The following ADARB2 variants were observed in gnomAD, a reference collection of about 807,000 sequenced individuals.
ADARB2 encodes the protein adenosine deaminase RNA specific B2 (inactive).
A neutral mutation model predicts 62.2 loss-of-function variants in ADARB2; 25 were observed. The observed-to-expected ratio is 0.40, with a 90% CI of 0.29 to 0.56. The LOEUF is 0.56. Among genes scored for constraint, ADARB2 ranks in the 20% least tolerant of loss-of-function variants. The pLI, the probability that ADARB2 is intolerant of heterozygous loss-of-function variation, is 0.43. For synonymous variants in ADARB2, 572 were observed against 500.8 expected (o/e 1.14, Z -1.90); for missense variants, 1,071 against 1,077.4 (o/e 0.99, Z 0.08).
chr10:1,484,493 A>C lies in ADARB2; in HGVS notation c.101-105333T>G, dbSNP rs148394398. ...TGTGGCTCCAAGTCTGTTCTGTCCA[A>C]GTCACTTCTCCATGAAAATGCTGGG... On this transcript the variant is annotated intron_variant, in intron 1 of 9. Coordinates refer to ENST00000381312, the MANE Select transcript of ADARB2 (RefSeq NM_018702.4). Among the ~76,000 whole-genome samples the C allele has an allele frequency of 1.3e-3, 195 of 152,336 alleles. 1 individual carries two copies. The highest frequency in any genetic ancestry group is 4.4e-3 in the African/African-American group (183 of 41,566).
intron 3 of ADARB2, among the ~76,000 whole-genome samples, chr10:1,327,546 C>T (rs1434283619): frequency 1.5e-4 from 13 of 87,748 alleles, no homozygotes; most frequent in African/African-American, 6.4e-4. Context: ...CACTGCCCAG[C>T]GCCTCCTCAC....
intron 1 of ADARB2, among the ~76,000 whole-genome samples, chr10:1,444,335 A>T (rs1037923342): frequency 0.014 from 501 of 35,378 alleles, 7 homozygotes; most frequent in African/African-American, 0.053. Context: ...CCATCCACCC[A>T]GCCATCCACT....
At chr10:1,699,234 TCGCCAA>T (rs761974636) in intron 1 of ADARB2, among the ~76,000 whole-genome samples, 20,162 of 141,538 alleles carry the variant, frequency 0.14, 8,694 homozygotes, top group African/African-American at 0.16. Context: ...GACCAGGCGC[TCGCCAA>T]TACACTCAAT....
rs1832894802 is a variant in ADARB2, at chr10:1,426,527, A to G, written c.101-47367T>C. ...AGAAGGATGGTCCTGTCTCATCCCT[A>G]CACCTGTGAGGCCTCAGTTCTGCCT... On this transcript the variant is annotated intron_variant, in intron 1 of 9. Transcript: ENST00000381312. This position sits in a 1 kb window ranked among gnomAD's most constrained non-coding sequence, Gnocchi z 4.1. Among the ~76,000 whole-genome samples, 1 of 152,190 alleles carries G rather than the reference A, an allele frequency of 6.6e-6. No homozygotes were observed. Among genetic ancestry groups the G allele is most frequent in the Admixed American group, 6.5e-5 (1 of 15,298 alleles).
intron 1 of ADARB2, among the ~76,000 whole-genome samples, chr10:1,567,234 G>A (rs1172166434): frequency 2.0e-5 from 3 of 151,894 alleles, no homozygotes; most frequent in Non-Finnish European, 4.4e-5. Flanking sequence ...TTGGAAGATT[G>A]GAGTCTGGTC....
intron 1 of ADARB2, among the ~76,000 whole-genome samples, chr10:1,685,691 C>A (rs976534037): frequency 6.6e-6 from 1 of 152,162 alleles, no homozygotes; most frequent in Non-Finnish European, 1.5e-5. Context: ...AAAAGGGAGG[C>A]GACGCAGGAG....
At chr10:1,635,314 G>A (rs1833905929) in intron 1 of ADARB2, among the ~76,000 whole-genome samples, 1 of 152,228 alleles carries the variant, frequency 6.6e-6, no homozygotes, top group South Asian at 2.1e-4. Context: ...TGTGCAAAGT[G>A]CTGGGCCTGG....
At chr10:1,514,921 C>G (rs1564314168) in intron 1 of ADARB2, among the ~76,000 whole-genome samples, 1 of 152,082 alleles carries the variant, frequency 6.6e-6, no homozygotes, top group Non-Finnish European at 1.5e-5. Context: ...GGTTTGAGCA[C>G]TCTGTGAATT....
At chr10:1,732,540 A>T (rs1450022040) in intron 1 of ADARB2, among the ~76,000 whole-genome samples, 2 of 152,222 alleles carry the variant, frequency 1.3e-5, no homozygotes, top group African/African-American at 4.8e-5. Flanking sequence ...CAAAATTTTT[A>T]AAAAGAGAAA....
intron 7 of ADARB2, among the ~76,000 whole-genome samples, chr10:1,205,388 CCG>C (rs1455674401): frequency 1.1e-4 from 11 of 104,114 alleles, no homozygotes; most frequent in East Asian, 3.4e-4. Context: ...TCACGGGAGC[CCG>C]TGGCACAGCC....
At chr10:1,270,891 G>C in intron 4 of ADARB2, 64 bp downstream of exon 4, 1 of 1,433,770 alleles carries the variant, frequency 7.0e-7, no homozygotes, top group African/African-American at 1.4e-5. Flanking sequence ...TCCAAGATCA[G>C]GTAGATGCTA....
rs1361053220 is a variant in ADARB2 at position 1,426,798 on chromosome 10, G to A, written c.101-47638C>T. ...TCCTGACGGCGCTTACTCCACCACT[G>A]CATCCCTTCTATACCCTGCTTCTCC... On this transcript the variant is annotated intron_variant, in intron 1 of 9. Coordinates refer to ENST00000381312, the MANE Select transcript of ADARB2 (RefSeq NM_018702.4). The surrounding 1 kb of genome is among the most constrained non-coding windows in gnomAD (Gnocchi z 4.1). 6.6e-6 allele frequency among the ~76,000 whole-genome samples: 1 copy of A among 152,234 alleles called. No individual in the cohort carries two copies. The highest frequency in any genetic ancestry group is 1.5e-5 in the Non-Finnish European group (1 of 68,038).
chr10:1,532,715 G>A (rs1206896373), intron 1 of ADARB2, among the ~76,000 whole-genome samples: 2 of 152,118 alleles, frequency 1.3e-5, no homozygotes, highest in Non-Finnish European at 2.9e-5. Flanking sequence ...ATTTCTTTAG[G>A]GGGATGTGAC....
intron 1 of ADARB2, among the ~76,000 whole-genome samples, chr10:1,402,200 G>A (rs926843221): frequency 6.6e-6 from 1 of 152,216 alleles, no homozygotes; most frequent in African/African-American, 2.4e-5. Context: ...GCCCCAGGAT[G>A]AGGGGTAGGG....
intron 1 of ADARB2, among the ~76,000 whole-genome samples, chr10:1,469,879 G>T (rs530127448): frequency 3.9e-4 from 59 of 152,352 alleles, no homozygotes; most frequent in African/African-American, 1.3e-3. Context: ...AATCCAACCA[G>T]ATGGAAAAAA....
At chr10:1,187,105 T>C (rs1836769483) in intron 8 of ADARB2, among the ~76,000 whole-genome samples, 1 of 152,214 alleles carries the variant, frequency 6.6e-6, no homozygotes, top group Non-Finnish European at 1.5e-5. Context: ...AGACAGGTGA[T>C]GTGGGACACC....
Position 1,179,722 on chromosome 10 carries a change from A to G in ADARB2, c.*3471T>C, listed in dbSNP as rs918706985. 6.6e-6 allele frequency: 1 copy of G among 152,262 alleles called. No homozygotes were observed. The highest frequency in any genetic ancestry group is 1.5e-5 in the Non-Finnish European group (1 of 68,048). 9.4% of individuals were successfully genotyped at this position (152,262 alleles called of 1,614,324 possible). ...TTTGTAGGGGCCTAAGCAGGCATGA[A>G]TATAGACTACAGAAAATCTGAAGCA... On this transcript the variant is annotated 3_prime_UTR_variant, in exon 10 of 10. Coordinates refer to ENST00000381312, the MANE Select transcript of ADARB2 (RefSeq NM_018702.4).
intron 1 of ADARB2, among the ~76,000 whole-genome samples, chr10:1,625,766 G>A (rs1833757929): frequency 6.9e-6 from 1 of 145,966 alleles, no homozygotes; most frequent in South Asian, 2.2e-4. Context: ...TGTCCCCAGC[G>A]AGGCCTGCCC....
chr10:1,645,125 A>T (rs1834023605), intron 1 of ADARB2, among the ~76,000 whole-genome samples: 2 of 152,200 alleles, frequency 1.3e-5, no homozygotes. Context: ...CTGGCAGGGG[A>T]TCTGGCCCCC....
Sources: allele counts gnomAD v4.1 joint callset (sites outside exome capture counted in the v4.1 genomes callset), GRCh38; gene constraint gnomAD v4.1.1; non-coding constraint Gnocchi (gnomAD v3.1); transcripts MANE v1.5; gene names NCBI Gene and HGNC (gene_info 2026-07-23, HGNC 2026-07-21).